MFSD1: variants seen among roughly 807,000 people sequenced by gnomAD.
The protein encoded by MFSD1 is lysosomal dipeptide transporter MFSD1.
MFSD1 carries 59 observed loss-of-function variants against 67.1 expected under a neutral mutation model. The observed-to-expected ratio is 0.88, with a 90% CI of 0.71 to 1.09. MFSD1 has a LOEUF of 1.09. Among genes scored for constraint, MFSD1 ranks in the 50% least tolerant of loss-of-function variants. MFSD1 has a pLI of 0.00. For synonymous variants in MFSD1, 213 were observed against 200.3 expected (o/e 1.06, Z -0.54); for missense variants, 552 against 566.1 (o/e 0.97, Z 0.25).
chr3:158,821,084 G>T (rs1730644962), intron 9 of MFSD1, among the ~76,000 whole-genome samples: 1 of 152,180 alleles, frequency 6.6e-6, no homozygotes, highest in Admixed American at 6.5e-5. Context: ...CTGTAATTCT[G>T]CCAGACTTAA....
chr3:158,828,164 G>C (rs1211109203), intron 15 of MFSD1, among the ~76,000 whole-genome samples: 1 of 152,186 alleles, frequency 6.6e-6, no homozygotes, highest in Non-Finnish European at 1.5e-5. Flanking sequence ...AGAGATTTAA[G>C]TATATAGCAT....
intron 3 of MFSD1, among the ~76,000 whole-genome samples, chr3:158,806,795 A>T (rs969905567): frequency 3.9e-5 from 6 of 152,166 alleles, no homozygotes; most frequent in Non-Finnish European, 7.4e-5. Context: ...CCATTGCTAA[A>T]GCCTCCGGAA....
intron 9 of MFSD1, 52 bp from the exon 10 acceptor site, chr3:158,821,545 A>G: frequency 8.4e-7 from 1 of 1,192,296 alleles, no homozygotes; most frequent in South Asian, 1.3e-5. Context: ...TATTTTTTGA[A>G]AACAGAGTAG....
intron 10 of MFSD1, 77 bp downstream of exon 10, chr3:158,821,730 A>G: frequency 7.9e-7 from 1 of 1,269,642 alleles, no homozygotes; most frequent in East Asian, 2.3e-5. Flanking sequence ...AAAAGAAGCA[A>G]AAAAGATGTA....
chr3:158,822,241 A>G lies in MFSD1; in HGVS notation c.1077+101A>G, dbSNP rs575479710. On this transcript the variant is annotated intron_variant, in intron 11 of 15. Transcript: ENST00000415822. Reference sequence around the variant, plus strand: ...TCAGCAAATTCAGATGACAAGGCCTATGATAGTGGGGAGATGACAACTTGA... The same window carrying G: ...TCAGCAAATTCAGATGACAAGGCCTGTGATAGTGGGGAGATGACAACTTGA... 1.7e-5 allele frequency: 19 copies of G among 1,087,874 alleles called. No individual in the cohort carries two copies. The East Asian group carries it at 3.4e-4, about 19-fold the overall frequency. The allele number at this position is 1,087,874 out of a possible 1,614,324, so 67.4% of individuals were successfully genotyped here.
In MFSD1 at chr3:158,829,567, T is replaced by G. The variant is rs1731207766; in HGVS notation, c.*585T>G. The G allele has an allele frequency of 6.6e-6, 1 of 152,236 alleles. No homozygotes were observed. The highest frequency in any genetic ancestry group is 1.5e-5 in the Non-Finnish European group (1 of 68,040). 9.4% of individuals were successfully genotyped at this position (152,236 alleles called of 1,614,324 possible). A position where few individuals can be genotyped will look rare whatever the true frequency, so the allele number is the denominator to read the frequency against. ...ATGACCCTTTTCAATTTCTTATTTC[T>G]GTGTTACTGAGGACCCTAATCACTT... On this transcript the variant is annotated 3_prime_UTR_variant, in exon 16 of 16. Transcript: ENST00000415822.
rs746903597 is a variant in MFSD1 at position 158,802,232 on chromosome 3, C to G, written c.80C>G (p.Pro27Arg). 17 of 1,611,128 alleles carry G rather than the reference C, an allele frequency of 1.1e-5. No homozygotes were observed. In the East Asian group the frequency reaches 2.9e-4, roughly 28 times the overall value. The change falls in exon 1 of 16, where the codon CCT becomes CGT. Residue 27 changes from proline (P) to arginine (R), a missense_variant. Transcript: ENST00000415822. ...GCCGACAGAGGTGCCCCGGCCGCCC[C>G]TGGAGCCCTGCCGGCCCTCTGCGAC... ...DEADRGAPAAPGALPALCDPS... is the reference protein window; with the variant it reads ...DEADRGAPAARGALPALCDPS...
At chr3:158,827,898 C>G (rs1731068185) in intron 15 of MFSD1, among the ~76,000 whole-genome samples, 1 of 125,230 alleles carries the variant, frequency 8.0e-6, no homozygotes, top group Admixed American at 8.2e-5. Context: ...GAGAGAGACA[C>G]AGAGAGAGAG....
rs761467926 is a variant in MFSD1 at position 158,820,252 on chromosome 3, C to G, written c.789C>G (p.Ser263=). 91 of 1,611,296 alleles carry G rather than the reference C, an allele frequency of 5.6e-5. No individual in the cohort carries two copies. Among genetic ancestry groups the G allele is most frequent in the Non-Finnish European group, 7.3e-5 (86 of 1,177,804 alleles). The part of the protein sequence containing the change: ...VIKLTDVKDF[S]LPLWLIFIIC... The stretch of plus-strand genomic sequence containing the variant: ...AATTAACTGATGTAAAGGACTTCTC[C>G]TTACCCCTGTGGCTTATATTTATCA... The change falls in exon 9 of 16, where the codon TCC becomes TCG. Residue 263 remains serine (S), a synonymous_variant. Transcript: ENST00000415822.
chr3:158,827,976 G>GAGAGAGAGAGAGAGAGAC lies in MFSD1; in HGVS notation c.1394+642_1394+643insGAGAGAGAGAGAGACAGA, dbSNP rs1553759912. Among the ~76,000 whole-genome samples the GAGAGAGAGAGAGAGAGAC allele has an allele frequency of 3.3e-4, 26 of 78,884 alleles. 1 individual carries two copies. The highest frequency in any genetic ancestry group is 3.4e-4 in the African/African-American group (7 of 20,500). 51.8% of individuals were successfully genotyped at this position (78,884 alleles called of 152,430 possible). The stretch of plus-strand genomic sequence containing the variant: ...AGAGAGAGAGAGAGAGAGAGAGAGA[G>GAGAGAGAGAGAGAGAGAC]AGACAGAGATCGATCTATATTACTT... On this transcript the variant is annotated intron_variant, in intron 15 of 15. Transcript: ENST00000415822.
intron 9 of MFSD1, 70 bp downstream of exon 9, chr3:158,820,396 T>G: frequency 9.4e-7 from 1 of 1,061,042 alleles, no homozygotes; most frequent in Non-Finnish European, 1.4e-6. Flanking sequence ...ATAAATGTAG[T>G]TTTTAAAGCA....
rs748655281 is a variant in MFSD1 at position 158,805,356 on chromosome 3, A to G, written c.217-6A>G. ...AAAAAAATAGTTTTATTTTCTTTTC[A>G]TATAGGATATGCAAGTGAATACCAC... On this transcript the variant is annotated splice_polypyrimidine_tract_variant and splice_region_variant and intron_variant, in intron 2 of 15. Transcript: ENST00000415822. The G allele has an allele frequency of 3.8e-5, 61 of 1,599,344 alleles. No homozygotes were observed. Among genetic ancestry groups the G allele is most frequent in the Non-Finnish European group, 5.0e-5 (58 of 1,166,700 alleles).
At chr3:158,815,293 A>G (rs1730266378) in intron 7 of MFSD1, among the ~76,000 whole-genome samples, 1 of 150,382 alleles carries the variant, frequency 6.6e-6, no homozygotes, top group African/African-American at 2.4e-5. Context: ...AGCTCTAACT[A>G]GTTCTGTCAT....
chr3:158,824,975 T>G (rs1055485380), intron 13 of MFSD1, among the ~76,000 whole-genome samples: 1 of 152,170 alleles, frequency 6.6e-6, no homozygotes, highest in Non-Finnish European at 1.5e-5. Flanking sequence ...GGACGTCAAG[T>G]TTTAAAAATA....
At chr3:158,813,120 C>A (rs1375558242) in intron 6 of MFSD1, among the ~76,000 whole-genome samples, 1 of 150,394 alleles carries the variant, frequency 6.6e-6, no homozygotes, top group Admixed American at 6.6e-5. Context: ...TTTTTTTTAA[C>A]CAAAGTAAGT....
In MFSD1 at chr3:158,822,122, G is replaced by T; in HGVS notation, c.1059G>T (p.Trp353Cys). 6.2e-7 allele frequency: 1 copy of T among 1,612,958 alleles called. No homozygotes were observed. Among genetic ancestry groups the T allele is most frequent in the Non-Finnish European group, 8.5e-7 (1 of 1,179,128 alleles). ...ACATGATGCTGGCCTTTACGATGTG[G>T]AACCCTTGGATTGCTATGGTAACGT... ...VSHMMLAFTM[W>C]NPWIAMCLLG... The change falls in exon 11 of 16, where the codon TGG (tryptophan) becomes TGT (cysteine). Residue 353 changes from tryptophan to cysteine, a missense_variant. Coordinates refer to ENST00000415822, the MANE Select transcript of MFSD1 (RefSeq NM_022736.4).
At chr3:158,820,038 C>G (rs1417350927) in intron 8 of MFSD1, among the ~76,000 whole-genome samples, 177 bp from the exon 9 acceptor site, 1 of 152,090 alleles carries the variant, frequency 6.6e-6, no homozygotes, top group East Asian at 1.9e-4. Context: ...TTTGCTTTTT[C>G]TTATGTCTTT....
intron 7 of MFSD1, 25 bp from the exon 8 acceptor site, chr3:158,819,624 T>C: frequency 1.7e-6 from 2 of 1,192,248 alleles, no homozygotes; most frequent in Admixed American, 6.5e-5. Context: ...AAGTCTGTTT[T>C]TCTTTTTTTT....
At position 158,809,344 on chromosome 3, in the gene MFSD1, AG is replaced by A. The variant is rs140327612; in HGVS notation, c.549+58del. The stretch of plus-strand genomic sequence containing the variant: ...ATGGAAGCAAAAGATTAAATCTTAT[AG>A]TTCTCTTAAAAATCACAGGATGAAA... On this transcript the variant is annotated intron_variant, in intron 6 of 15. Transcript: ENST00000415822. 1.1e-3 allele frequency: 1,257 copies of A among 1,121,654 alleles called. 13 individuals are homozygous for A. The African/African-American group carries it at 0.018, about 16-fold the overall frequency. The allele number at this position is 1,121,654 out of a possible 1,614,324, so 69.5% of individuals were successfully genotyped here.
Sources: gnomAD v4.1 joint callset for allele counts (sites outside exome capture counted in the v4.1 genomes callset) on GRCh38, gnomAD v4.1.1 for gene constraint, MANE v1.5 for transcripts, NCBI Gene and HGNC (gene_info 2026-07-23, HGNC 2026-07-21) for gene names.